The following SCFD2 variants were observed in gnomAD, a reference collection of about 807,000 sequenced individuals.
SCFD2 encodes the protein sec1 family domain containing 2.
Under a neutral mutation model 58.9 loss-of-function variants are expected in SCFD2, and 54 were observed. That is an observed-to-expected ratio of 0.92 (90% CI 0.74 to 1.15). The LOEUF (loss-of-function observed/expected upper bound fraction) is 1.15. Ranked by LOEUF, SCFD2 falls within the 50% of genes most tolerant of loss-of-function variation. SCFD2 has a pLI of 0.00. For missense variants in SCFD2, 805 were observed against 836.6 expected (o/e 0.96, Z 0.47); for synonymous variants, 321 against 335.9 (o/e 0.96, Z 0.49).
chr4:53,211,862 T>A (rs1216616256), intron 4 of SCFD2, among the ~76,000 whole-genome samples: 5 of 152,076 alleles, frequency 3.3e-5, no homozygotes, highest in African/African-American at 9.7e-5. Context: ...AAACAAAAGC[T>A]CTTTGGAGCC....
At chr4:52,890,751 A>G (rs535818154) in intron 7 of SCFD2, among the ~76,000 whole-genome samples, 7 of 152,100 alleles carry the variant, frequency 4.6e-5, no homozygotes, top group Non-Finnish European at 7.4e-5. Context: ...CCACTATTCC[A>G]TCCCAACCTT....
chr4:53,141,475 T>G (rs563478548), intron 5 of SCFD2, among the ~76,000 whole-genome samples: 1 of 151,708 alleles, frequency 6.6e-6, no homozygotes, highest in Non-Finnish European at 1.5e-5. Flanking sequence ...ACACAACGAG[T>G]CACTACCCAC....
At chr4:53,082,691 CA>C (rs1724183406) in intron 5 of SCFD2, among the ~76,000 whole-genome samples, 1 of 152,028 alleles carries the variant, frequency 6.6e-6, no homozygotes, top group Non-Finnish European at 1.5e-5. Flanking sequence ...AGGTCCCAAA[CA>C]GAACAAAAGG....
chr4:53,298,811 C>G (rs11938678), intron 3 of SCFD2, among the ~76,000 whole-genome samples: 6 of 152,124 alleles, frequency 3.9e-5, no homozygotes, highest in Non-Finnish European at 7.3e-5. Context: ...CTGCAGCCAC[C>G]GCTGCTGATA....
At chr4:53,228,777 C>T (rs1053629856) in intron 4 of SCFD2, among the ~76,000 whole-genome samples, 4 of 152,090 alleles carry the variant, frequency 2.6e-5, no homozygotes, top group Admixed American at 1.3e-4. Flanking sequence ...TCAGGGCAAT[C>T]AGGCAGGAGA....
chr4:53,358,183 T>C (rs1441272789), intron 1 of SCFD2, among the ~76,000 whole-genome samples: 3 of 152,174 alleles, frequency 2.0e-5, no homozygotes, highest in African/African-American at 7.2e-5. Flanking sequence ...CAGTGTATCA[T>C]AATCCCAGGA....
intron 3 of SCFD2, among the ~76,000 whole-genome samples, chr4:53,298,669 G>A (rs1560434840): frequency 2.0e-5 from 3 of 152,300 alleles, no homozygotes; most frequent in East Asian, 1.9e-4. Flanking sequence ...CTTGACCCCC[G>A]AGTAGCCTAA....
chr4:53,012,832 G>GTT (rs1292837200), intron 5 of SCFD2, among the ~76,000 whole-genome samples: 135 of 90,610 alleles, frequency 1.5e-3, no homozygotes, highest in South Asian at 4.5e-3. Flanking sequence ...GTGTGTGTGT[G>GTT]TGTGTTTTTT....
chr4:53,014,313 G>A (rs185065936), intron 5 of SCFD2, among the ~76,000 whole-genome samples: 146 of 152,306 alleles, frequency 9.6e-4, no homozygotes, highest in African/African-American at 3.3e-3. Context: ...AACAGTGTTA[G>A]TTACGCACTG....
chr4:52,978,181 A>G (rs1020239017), intron 5 of SCFD2, among the ~76,000 whole-genome samples: 8 of 152,178 alleles, frequency 5.3e-5, no homozygotes, highest in Admixed American at 2.0e-4. Context: ...AACAGTCATC[A>G]TAAGTGAGGA....
At chr4:52,883,934 C>G (rs1323867513) in intron 8 of SCFD2, among the ~76,000 whole-genome samples, 5 of 152,314 alleles carry the variant, frequency 3.3e-5, no homozygotes, top group African/African-American at 1.2e-4. Context: ...TCTAGGTACC[C>G]AGGTCCCATT....
chr4:53,281,640 T>C (rs1055556524), intron 3 of SCFD2, among the ~76,000 whole-genome samples: 1 of 152,154 alleles, frequency 6.6e-6, no homozygotes, highest in Non-Finnish European at 1.5e-5. Context: ...ATCAGAATGA[T>C]AAAAAGTAAT....
At position 53,001,840 on chromosome 4, in the gene SCFD2, G is replaced by T. The variant is rs187356023; in HGVS notation, c.1562-80970C>A. Among the ~76,000 whole-genome samples the T allele has an allele frequency of 2.8e-3, 431 of 152,260 alleles. 1 individual carries two copies. Among genetic ancestry groups the T allele is most frequent in the African/African-American group, 9.9e-3 (411 of 41,548 alleles). The stretch of plus-strand genomic sequence containing the variant: ...TAATCCTCAGAGTAAATTTATAAGA[G>T]ATGCATTATTATGCCATTTTACAGA... On this transcript the variant is annotated intron_variant, in intron 5 of 8. Coordinates refer to ENST00000401642, the MANE Select transcript of SCFD2 (RefSeq NM_152540.4).
rs752734224 is a variant in SCFD2, at chr4:53,352,778, G to C, written c.839-12C>G. The stretch of plus-strand genomic sequence containing the variant: ...ATGTCCAACTGCTCCTGTTTAAGCA[G>C]ACAAGATGATGTAAATTCATAAAAT... On this transcript the variant is annotated splice_polypyrimidine_tract_variant and intron_variant, in intron 1 of 8. Coordinates refer to ENST00000401642, the MANE Select transcript of SCFD2 (RefSeq NM_152540.4). 1 of 1,602,066 alleles carries C rather than the reference G, an allele frequency of 6.2e-7. No individual in the cohort carries two copies. The highest frequency in any genetic ancestry group is 8.5e-7 in the Non-Finnish European group (1 of 1,170,628).
At chr4:53,169,666 C>T (rs1010385399) in intron 4 of SCFD2, among the ~76,000 whole-genome samples, 123 of 152,284 alleles carry the variant, frequency 8.1e-4, no homozygotes, top group African/African-American at 2.6e-3. Context: ...ATCAACAGTG[C>T]GTACAGATTC....
intron 5 of SCFD2, among the ~76,000 whole-genome samples, chr4:53,145,122 T>C (rs1726286726): frequency 1.3e-5 from 2 of 152,178 alleles, no homozygotes; most frequent in African/African-American, 4.8e-5. Context: ...CATGAAACCA[T>C]GCACCTCCAT....
chr4:52,885,795 T>C lies in SCFD2; in HGVS notation c.1914A>G (p.Glu638=), dbSNP rs751650173. 2.8e-5 allele frequency: 45 copies of C among 1,614,114 alleles called. No homozygotes were observed. In the East Asian group the frequency reaches 9.6e-4, roughly 34 times the overall value. ...LFVVGGVTVS[E]VKMVKDLVAS... ...CCACAAGATCTTTGACCATTTTCAC[T>C]TCAGAGACTGTGACCCCACCTACCA... Residue 638 remains glutamate (E), a synonymous_variant, in exon 8 of 9, where the codon GAA becomes GAG. Transcript: ENST00000401642.
intron 5 of SCFD2, among the ~76,000 whole-genome samples, chr4:53,028,205 C>T (rs1467496292): frequency 1.3e-5 from 2 of 151,670 alleles, no homozygotes; most frequent in African/African-American, 4.8e-5. Context: ...AGAGATTGCG[C>T]CACTGTACTC....
intron 4 of SCFD2, among the ~76,000 whole-genome samples, chr4:53,146,689 A>G (rs1726340890): frequency 6.6e-6 from 1 of 152,200 alleles, no homozygotes; most frequent in Admixed American, 6.5e-5. Context: ...TTTGCTTTCC[A>G]TGGTTTCACT....
Sources: allele counts gnomAD v4.1 joint callset (sites outside exome capture counted in the v4.1 genomes callset), GRCh38; gene constraint gnomAD v4.1.1; transcripts MANE v1.5; gene names NCBI Gene and HGNC (gene_info 2026-07-23, HGNC 2026-07-21).